GALNT13: variants seen among roughly 807,000 people sequenced by gnomAD.
GALNT13 encodes the protein polypeptide N-acetylgalactosaminyltransferase 13.
In GALNT13, 28 loss-of-function variants were observed where a neutral mutation model predicts 64.2. The ratio of observed to expected loss-of-function variants is 0.44; its 90% confidence interval spans 0.32 to 0.60. The LOEUF (loss-of-function observed/expected upper bound fraction) is 0.60, where lower values mean the gene tolerates loss of function less well. Among genes scored for constraint, GALNT13 ranks in the 20% least tolerant of loss-of-function variants. The pLI, the probability that GALNT13 is intolerant of heterozygous loss-of-function variation, is 0.05. For missense variants in GALNT13, 577 were observed against 669.8 expected (o/e 0.86, Z 1.53); for synonymous variants, 214 against 224.6 (o/e 0.95, Z 0.42).
the GALNT13 span, among the ~76,000 whole-genome samples, chr2:153,840,767 G>A: frequency 2.0e-5 from 3 of 152,090 alleles, no homozygotes; most frequent in Non-Finnish European, 4.4e-5. Flanking sequence ...AGGCAACAGG[G>A]GGACTATATA....
intron 3 of GALNT13, among the ~76,000 whole-genome samples, chr2:154,072,801 C>T (rs1700801273): frequency 2.0e-5 from 3 of 151,926 alleles, no homozygotes; most frequent in Admixed American, 6.6e-5. Flanking sequence ...AAATAGTTCA[C>T]TGATTGTAAG....
the GALNT13 span, among the ~76,000 whole-genome samples, chr2:153,721,585 A>C: frequency 6.7e-6 from 1 of 149,622 alleles, no homozygotes; most frequent in Non-Finnish European, 1.5e-5. Flanking sequence ...GCAGAGACAC[A>C]CATAGGCTCA....
chr2:153,285,004 G>A, the GALNT13 span, among the ~76,000 whole-genome samples: 2 of 148,740 alleles, frequency 1.3e-5, no homozygotes, highest in Non-Finnish European at 3.0e-5. Flanking sequence ...ACGCTGCTAT[G>A]AAGAAATGCC....
At chr2:153,827,294 A>C in the GALNT13 span, among the ~76,000 whole-genome samples, 23 of 152,098 alleles carry the variant, frequency 1.5e-4, no homozygotes. Flanking sequence ...TCCTCCCATG[A>C]CACATGGGAA....
chr2:154,250,511 G>A (rs1690014088), intron 7 of GALNT13, among the ~76,000 whole-genome samples: 1 of 151,842 alleles, frequency 6.6e-6, no homozygotes, highest in African/African-American at 2.4e-5. Flanking sequence ...TTCACCTAGT[G>A]TTTGCATACA....
intron 3 of GALNT13, among the ~76,000 whole-genome samples, chr2:153,955,310 G>C (rs111674716): frequency 4.6e-5 from 7 of 152,136 alleles, no homozygotes; most frequent in African/African-American, 1.7e-4. Context: ...ACAGAAAGTG[G>C]TACCTGCTGT....
chr2:153,857,038 G>T, the GALNT13 span, among the ~76,000 whole-genome samples: 1 of 152,198 alleles, frequency 6.6e-6, no homozygotes. Flanking sequence ...TTCAAAATAG[G>T]TGTTAGAAAT....
At chr2:153,985,712 G>T (rs2105172269) in intron 3 of GALNT13, among the ~76,000 whole-genome samples, 1 of 152,104 alleles carries the variant, frequency 6.6e-6, no homozygotes, top group African/African-American at 2.4e-5. Flanking sequence ...AAAATGAAGA[G>T]CTGACCCCAA....
intron 3 of GALNT13, among the ~76,000 whole-genome samples, chr2:154,132,407 A>G (rs997965039): frequency 6.6e-6 from 1 of 152,154 alleles, no homozygotes; most frequent in Non-Finnish European, 1.5e-5. Context: ...TACTTAGTAT[A>G]ACATGAACAT....
At chr2:153,239,987 A>G in the GALNT13 span, among the ~76,000 whole-genome samples, 1 of 152,148 alleles carries the variant, frequency 6.6e-6, no homozygotes, top group African/African-American at 2.4e-5. Flanking sequence ...TTACAGCGCC[A>G]ATCTCATTAC....
chr2:153,575,695 T>C, the GALNT13 span, among the ~76,000 whole-genome samples: 4 of 152,168 alleles, frequency 2.6e-5, no homozygotes, highest in Non-Finnish European at 5.9e-5. Flanking sequence ...CACCAATATT[T>C]CCCTAAGGCC....
At chr2:153,107,723 T>C in the GALNT13 span, among the ~76,000 whole-genome samples, 1 of 152,116 alleles carries the variant, frequency 6.6e-6, no homozygotes, top group Non-Finnish European at 1.5e-5. Flanking sequence ...TTGCTTAGGA[T>C]AATAATAAAT....
At chr2:154,336,118 C>T (rs1307189540) in intron 9 of GALNT13, among the ~76,000 whole-genome samples, 6 of 152,092 alleles carry the variant, frequency 3.9e-5, no homozygotes, top group African/African-American at 1.4e-4. Flanking sequence ...GTGTCATCCA[C>T]ATATAAAATT....
At chr2:153,222,332 T>TGGGGGGGGGGGGGGGGGGGGGGG in the GALNT13 span, among the ~76,000 whole-genome samples, 5 of 103,786 alleles carry the variant, frequency 4.8e-5, no homozygotes, top group Non-Finnish European at 9.9e-5. Context: ...GGGGGTGGGG[T>TGGGGGGGGGGGGGGGGGGGGGGG]GGGGGGGGGG....
At chr2:153,608,147 CAGTGACAA>C in the GALNT13 span, among the ~76,000 whole-genome samples, 3,331 of 152,202 alleles carry the variant, frequency 0.022, 120 homozygotes, top group African/African-American at 0.077. Flanking sequence ...TGTTCTTTGT[CAGTGACAA>C]CTCCCTGCAG....
the GALNT13 span, among the ~76,000 whole-genome samples, chr2:153,088,720 T>C: frequency 6.6e-6 from 1 of 152,142 alleles, no homozygotes; most frequent in African/African-American, 2.4e-5. Context: ...ATTGTTATTA[T>C]GTCCCTCCTT....
At chr2:153,365,693 G>A in the GALNT13 span, among the ~76,000 whole-genome samples, 2 of 152,146 alleles carry the variant, frequency 1.3e-5, no homozygotes, top group Non-Finnish European at 2.9e-5. Flanking sequence ...ACCACAATGA[G>A]ATACTATCTC....
At chr2:153,454,819 C>T in the GALNT13 span, among the ~76,000 whole-genome samples, 10 of 152,108 alleles carry the variant, frequency 6.6e-5, no homozygotes, top group Admixed American at 3.9e-4. Flanking sequence ...GTACTCACAC[C>T]AACATTCTTT....
the GALNT13 span, among the ~76,000 whole-genome samples, chr2:153,598,163 A>C: frequency 6.6e-6 from 1 of 152,104 alleles, no homozygotes; most frequent in African/African-American, 2.4e-5. Context: ...ATGGCTTCCT[A>C]TTGCACTTTG....
Sources: gnomAD v4.1 joint callset for allele counts (sites outside exome capture counted in the v4.1 genomes callset) on GRCh38, gnomAD v4.1.1 for gene constraint, MANE v1.5 for transcripts, NCBI Gene and HGNC (gene_info 2026-07-23, HGNC 2026-07-21) for gene names.